Variants in RALGAPA2 observed in about 807,000 individuals in gnomAD.
RALGAPA2 encodes ral GTPase-activating protein subunit alpha-2.
Under a neutral mutation model 230.4 loss-of-function variants are expected in RALGAPA2, and 139 were observed. The ratio of observed to expected loss-of-function variants is 0.60; its 90% CI spans 0.53 to 0.69. The LOEUF (loss-of-function observed/expected upper bound fraction) is 0.69. Among genes scored for constraint, RALGAPA2 ranks in the 30% least tolerant of loss-of-function variants. RALGAPA2 has a pLI of 0.00. For missense variants in RALGAPA2, 2,163 were observed against 2,276.0 expected, an observed-to-expected ratio of 0.95 and a Z score of 1.01; for synonymous variants, 847 against 837.8, an observed-to-expected ratio of 1.01 and a Z score of -0.19.
chr20:20,553,623 C>T (rs979474668), intron 23 of RALGAPA2, among the ~76,000 whole-genome samples: 3 of 152,122 alleles, frequency 2.0e-5, no homozygotes, highest in African/African-American at 7.2e-5. Context: ...GAAGAAGACA[C>T]TGAATGTCCT....
At chr20:20,439,443 G>A (rs986181172) in intron 37 of RALGAPA2, among the ~76,000 whole-genome samples, 1 of 152,094 alleles carries the variant, frequency 6.6e-6, no homozygotes, top group African/African-American at 2.4e-5. Flanking sequence ...GAACTCCAGA[G>A]CTTAAGCGAT....
chr20:20,469,448 A>C (rs1259247986), intron 37 of RALGAPA2, among the ~76,000 whole-genome samples: 1 of 152,232 alleles, frequency 6.6e-6, no homozygotes, highest in Non-Finnish European at 1.5e-5. Flanking sequence ...ACTGAAAATG[A>C]AAGTACATTT....
intron 37 of RALGAPA2, among the ~76,000 whole-genome samples, chr20:20,470,031 T>C (rs1397232141): frequency 2.6e-5 from 4 of 152,160 alleles, no homozygotes; most frequent in Non-Finnish European, 5.9e-5. Flanking sequence ...TTTCCAAAGA[T>C]ACCCCTACTG....
intron 3 of RALGAPA2, among the ~76,000 whole-genome samples, chr20:20,669,698 C>T (rs929560357): frequency 2.0e-5 from 3 of 152,202 alleles, no homozygotes; most frequent in Non-Finnish European, 4.4e-5. Flanking sequence ...TTCCTCTTTG[C>T]GTACTGATTT....
At chr20:20,445,871 A>G (rs935706976) in intron 37 of RALGAPA2, among the ~76,000 whole-genome samples, 3 of 152,242 alleles carry the variant, frequency 2.0e-5, no homozygotes, top group African/African-American at 7.2e-5. Flanking sequence ...TGAACTCAAA[A>G]GCATTTTCTG....
At chr20:20,472,302 G>A (rs1165656969) in intron 37 of RALGAPA2, 1 of 152,122 alleles carries the variant, frequency 6.6e-6, no homozygotes, top group Non-Finnish European at 1.5e-5. Flanking sequence ...ACTTAATTCA[G>A]GACATCTTTC....
In RALGAPA2 at chr20:20,707,177, T is replaced by C. The variant is rs78254839; in HGVS notation, c.106+5198A>G. Among the ~76,000 whole-genome samples, 1,060 of 152,240 alleles carry C rather than the reference T, an allele frequency of 7.0e-3. 12 individuals are homozygous for C. Among genetic ancestry groups the C allele is most frequent in the African/African-American group, 0.024 (1,003 of 41,548 alleles). On this transcript the variant is annotated intron_variant, in intron 1 of 39. Coordinates refer to ENST00000202677, the MANE Select transcript of RALGAPA2 (RefSeq NM_020343.4). The stretch of plus-strand genomic sequence containing the variant: ...CAAATACCTACCACCAATTATCAAA[T>C]TATAAAAAGGTGTTTATTGGTAGTC...
At chr20:20,534,444 CAA>C (rs57040968) in intron 26 of RALGAPA2, among the ~76,000 whole-genome samples, 5 of 108,946 alleles carry the variant, frequency 4.6e-5, no homozygotes. Flanking sequence ...GACCCCATCT[CAA>C]AAAAAAAAAA....
chr20:20,512,428 C>A, intron 32 of RALGAPA2, 85 bp downstream of exon 32: 1 of 1,332,526 alleles, frequency 7.5e-7, no homozygotes. Context: ...CCAATCTTTT[C>A]TTCTTCCCCA....
chr20:20,518,779 T>C (rs914603506), intron 31 of RALGAPA2, among the ~76,000 whole-genome samples: 2 of 152,322 alleles, frequency 1.3e-5, no homozygotes, highest in African/African-American at 4.8e-5. Flanking sequence ...ATGGTGAACC[T>C]ATTTTAGGGA....
At chr20:20,561,600 G>A (rs1350611313) in intron 23 of RALGAPA2, among the ~76,000 whole-genome samples, 2 of 152,068 alleles carry the variant, frequency 1.3e-5, no homozygotes, top group African/African-American at 4.8e-5. Context: ...TTATGAAATT[G>A]TACCCCCTTT....
chr20:20,693,563 C>T (rs990273122), intron 1 of RALGAPA2, among the ~76,000 whole-genome samples: 8 of 152,274 alleles, frequency 5.3e-5, no homozygotes, highest in Admixed American at 3.3e-4. Flanking sequence ...CACCTCCACC[C>T]CTCTAACTAA....
chr20:20,652,920 G>A (rs745597077), intron 4 of RALGAPA2, among the ~76,000 whole-genome samples: 1 of 152,052 alleles, frequency 6.6e-6, no homozygotes, highest in Non-Finnish European at 1.5e-5. Context: ...GGCTGGGCAC[G>A]GTGGCTTACA....
At chr20:20,513,339 T>G in intron 31 of RALGAPA2, 55 bp from the exon 32 acceptor site, 1 of 1,174,364 alleles carries the variant, frequency 8.5e-7, no homozygotes, top group South Asian at 3.2e-5. Context: ...AGATTAAAAC[T>G]CAACACCTTT....
At chr20:20,400,851 A>G (rs2059818467) in intron 38 of RALGAPA2, among the ~76,000 whole-genome samples, 1 of 152,256 alleles carries the variant, frequency 6.6e-6, no homozygotes, top group African/African-American at 2.4e-5. Flanking sequence ...TTTGGCAATA[A>G]AAAGAAATGG....
chr20:20,712,302 GCA>G lies in RALGAPA2; in HGVS notation c.106+71_106+72del. 1 of 1,424,980 alleles carries G rather than the reference GCA, an allele frequency of 7.0e-7. No individual in the cohort carries two copies. The highest frequency in any genetic ancestry group is 9.5e-7 in the Non-Finnish European group (1 of 1,050,558). 88.3% of individuals were successfully genotyped at this position (1,424,980 alleles called of 1,614,324 possible). Reference sequence around the variant, plus strand: ...CCCAGCCTCCCAGCCACCGACCCCTGCACAGAGGAGCGCCCTCCCGGCAGGTG... The same window carrying G: ...CCCAGCCTCCCAGCCACCGACCCCTGCAGAGGAGCGCCCTCCCGGCAGGTG... On this transcript the variant is annotated intron_variant, in intron 1 of 39. Coordinates refer to ENST00000202677, the MANE Select transcript of RALGAPA2 (RefSeq NM_020343.4). The surrounding 1 kb of genome is among the most constrained non-coding windows in gnomAD (Gnocchi z 5.5).
intron 27 of RALGAPA2, among the ~76,000 whole-genome samples, chr20:20,530,718 G>A (rs575865715): frequency 6.6e-6 from 1 of 152,310 alleles, no homozygotes; most frequent in Admixed American, 6.5e-5. Flanking sequence ...CTGGTGTTAG[G>A]TGGATGGTTC....
Position 20,536,653 on chromosome 20 carries a change from T to C in RALGAPA2, c.3414+3A>G. 6.2e-7 allele frequency: 1 copy of C among 1,611,476 alleles called. No homozygotes were observed. Among genetic ancestry groups the C allele is most frequent in the Non-Finnish European group, 8.5e-7 (1 of 1,178,038 alleles). On this transcript the variant is annotated splice_donor_region_variant and intron_variant, in intron 25 of 39. Transcript: ENST00000202677. ...TTGAGATACAGTCAAATGCGTTATG[T>C]ACCTTGACATCTTCAGTTCCTGTAA...
At chr20:20,502,899 G>C (rs778967490) in intron 35 of RALGAPA2, among the ~76,000 whole-genome samples, 3 of 152,192 alleles carry the variant, frequency 2.0e-5, no homozygotes, top group Non-Finnish European at 4.4e-5. Flanking sequence ...TTCCCTGGGG[G>C]AGGTTCCTCA....
Sources: allele counts gnomAD v4.1 joint callset (sites outside exome capture counted in the v4.1 genomes callset), GRCh38; gene constraint gnomAD v4.1.1; non-coding constraint Gnocchi (gnomAD v3.1); transcripts MANE v1.5; gene names NCBI Gene and HGNC (gene_info 2026-07-23, HGNC 2026-07-21).